The following ADAMTS17 variants were observed in gnomAD, a reference collection of about 807,000 sequenced individuals.
ADAMTS17 encodes A disintegrin and metalloproteinase with thrombospondin motifs 17.
A neutral mutation model predicts 141.5 loss-of-function variants in ADAMTS17; 113 were observed. The observed-to-expected ratio is 0.80, with a 90% CI of 0.69 to 0.93. ADAMTS17 has a LOEUF of 0.93. Among genes scored for constraint, ADAMTS17 ranks in the 40% least tolerant of loss-of-function variants. The pLI, the probability that ADAMTS17 is intolerant of heterozygous loss-of-function variation, is 0.00. For synonymous variants in ADAMTS17, 768 were observed against 630.6 expected, an observed-to-expected ratio of 1.22 and a Z score of -3.27; for missense variants, 1,659 against 1,517.9, an observed-to-expected ratio of 1.09 and a Z score of -1.54.
chr15:100,072,703 T>C (rs1416179001), intron 15 of ADAMTS17, among the ~76,000 whole-genome samples: 3 of 152,140 alleles, frequency 2.0e-5, no homozygotes, highest in African/African-American at 7.2e-5. Context: ...TGGCTAGCCA[T>C]ATGTAGAAAG....
chr15:99,997,756 A>G lies in ADAMTS17; in HGVS notation c.2592-167T>C, dbSNP rs1163994481. On this transcript the variant is annotated intron_variant, in intron 18 of 21. Coordinates refer to ENST00000268070, the MANE Select transcript of ADAMTS17 (RefSeq NM_139057.4). The surrounding 1 kb of genome is among the most constrained non-coding windows in gnomAD (Gnocchi z 4.7). Reference sequence around the variant, plus strand: ...GACATAACTCAGAGTATCGGCACAGAGGGAGTGACTTGAGTGGTCCTCTGG... The same window carrying G: ...GACATAACTCAGAGTATCGGCACAGGGGGAGTGACTTGAGTGGTCCTCTGG... Among the ~76,000 whole-genome samples, 1 of 152,222 alleles carries G rather than the reference A, an allele frequency of 6.6e-6. No homozygotes were observed. The highest frequency in any genetic ancestry group is 6.5e-5 in the Admixed American group (1 of 15,280).
chr15:100,113,271 A>G (rs983903410), intron 13 of ADAMTS17, among the ~76,000 whole-genome samples: 2 of 152,198 alleles, frequency 1.3e-5, no homozygotes, highest in Non-Finnish European at 2.9e-5. Context: ...ACACTCCCTT[A>G]TATGTAATTC....
At chr15:100,270,370 C>T (rs2043863397) in intron 4 of ADAMTS17, among the ~76,000 whole-genome samples, 1 of 152,194 alleles carries the variant, frequency 6.6e-6, no homozygotes, top group Admixed American at 6.5e-5. Context: ...CAGCCTACCT[C>T]AGGGGCTGTG....
At chr15:100,290,758 G>C (rs2044601049) in intron 3 of ADAMTS17, among the ~76,000 whole-genome samples, 1 of 152,082 alleles carries the variant, frequency 6.6e-6, no homozygotes, top group Admixed American at 6.5e-5. Flanking sequence ...ACTAGGGAAA[G>C]GACTTTCTAT....
chr15:100,159,164 C>T (rs527253910), intron 8 of ADAMTS17, among the ~76,000 whole-genome samples: 1 of 152,324 alleles, frequency 6.6e-6, no homozygotes, highest in African/African-American at 2.4e-5. Context: ...CAAGAGACAT[C>T]ACTCCCACGT....
chr15:100,252,809 G>A (rs1282013203), intron 7 of ADAMTS17, among the ~76,000 whole-genome samples: 1 of 152,244 alleles, frequency 6.6e-6, no homozygotes, highest in Non-Finnish European at 1.5e-5. Flanking sequence ...GAGGACCGAT[G>A]AAGTGTAATA....
intron 15 of ADAMTS17, among the ~76,000 whole-genome samples, chr15:100,069,535 A>T (rs1428897330): frequency 5.3e-5 from 8 of 152,220 alleles, no homozygotes; most frequent in Non-Finnish European, 7.3e-5. Flanking sequence ...TCAGACTAAC[A>T]GTGGATCTCT....
At chr15:100,089,000 C>T (rs201198345) in intron 15 of ADAMTS17, among the ~76,000 whole-genome samples, 1 of 150,040 alleles carries the variant, frequency 6.7e-6, no homozygotes, top group African/African-American at 2.4e-5. Context: ...GGATCTAATT[C>T]AACTGAAGAG....
At chr15:100,277,128 C>T (rs12899788) in intron 4 of ADAMTS17, among the ~76,000 whole-genome samples, 17,209 of 152,082 alleles carry the variant, frequency 0.11, 1,061 homozygotes, top group Non-Finnish European at 0.14. Context: ...TCAGAGTCAT[C>T]GCACCCAGCC....
intron 20 of ADAMTS17, 77 bp from the exon 21 acceptor site, chr15:99,976,299 G>A (rs1340010563): frequency 3.3e-6 from 5 of 1,510,878 alleles, no homozygotes; most frequent in Non-Finnish European, 4.4e-6. Context: ...ATGTGGCACT[G>A]CGGAGACAGG....
chr15:99,995,700 C>T (rs564512162), intron 19 of ADAMTS17, among the ~76,000 whole-genome samples: 3 of 152,340 alleles, frequency 2.0e-5, no homozygotes, highest in Non-Finnish European at 4.4e-5. Flanking sequence ...AACTGAAACC[C>T]ATCTGCTTCC....
At chr15:100,292,221 G>A (rs138180144) in intron 3 of ADAMTS17, among the ~76,000 whole-genome samples, 1 of 129,504 alleles carries the variant, frequency 7.7e-6, no homozygotes, top group Admixed American at 7.8e-5. Flanking sequence ...TCACCCCGTG[G>A]GGAATCACGA....
At chr15:100,340,709 C>T (rs1437562121) in intron 2 of ADAMTS17, among the ~76,000 whole-genome samples, 1 of 152,156 alleles carries the variant, frequency 6.6e-6, no homozygotes, top group East Asian at 1.9e-4. Context: ...GGGGCCAAGG[C>T]GCCTCTGTCC....
chr15:100,080,856 C>A (rs746138671), intron 15 of ADAMTS17, among the ~76,000 whole-genome samples: 1 of 152,020 alleles, frequency 6.6e-6, no homozygotes, highest in South Asian at 2.1e-4. Context: ...TCTGGTTGTA[C>A]GAAGGATAGC....
chr15:100,218,736 A>C lies in ADAMTS17; in HGVS notation c.1076-19313T>G, dbSNP rs181161841. ...AATTCCATTCCTAGTCACATATACG[A>C]AAGAACTGAAAACGTGTCCCCATAA... is the stretch of plus-strand genomic sequence containing the variant. On this transcript the variant is annotated intron_variant, in intron 7 of 21. Transcript: ENST00000268070. 1.3e-3 allele frequency among the ~76,000 whole-genome samples: 198 copies of C among 152,358 alleles called. 2 individuals carry two copies. The highest frequency in any genetic ancestry group is 4.6e-3 in the African/African-American group (193 of 41,582).
At chr15:100,183,121 T>A (rs2040583676) in intron 8 of ADAMTS17, among the ~76,000 whole-genome samples, 1 of 152,166 alleles carries the variant, frequency 6.6e-6, no homozygotes, top group Non-Finnish European at 1.5e-5. Context: ...CCTGAGTAGC[T>A]GGGATTACAG....
At chr15:100,319,770 C>A (rs536337888) in intron 3 of ADAMTS17, among the ~76,000 whole-genome samples, 3 of 151,710 alleles carry the variant, frequency 2.0e-5, no homozygotes, top group East Asian at 2.0e-4. Flanking sequence ...AATAATTATA[C>A]TAAGAAGATC....
At chr15:100,053,013 G>C (rs997431758) in intron 16 of ADAMTS17, among the ~76,000 whole-genome samples, 1 of 152,192 alleles carries the variant, frequency 6.6e-6, no homozygotes, top group African/African-American at 2.4e-5. Context: ...AACTAACCTG[G>C]AACACTTACA....
At chr15:100,026,538 G>C (rs956178691) in intron 18 of ADAMTS17, among the ~76,000 whole-genome samples, 6 of 152,134 alleles carry the variant, frequency 3.9e-5, no homozygotes, top group African/African-American at 1.4e-4. Context: ...TTGTGTAAAA[G>C]CAGGCACATA....
Sources: gnomAD v4.1 joint callset for allele counts (sites outside exome capture counted in the v4.1 genomes callset) on GRCh38, gnomAD v4.1.1 for gene constraint, Gnocchi (gnomAD v3.1) non-coding constraint, MANE v1.5 for transcripts, NCBI Gene and HGNC (gene_info 2026-07-23, HGNC 2026-07-21) for gene names.